Variants in FOCAD observed in about 807,000 individuals in gnomAD.
FOCAD encodes the protein focadhesin.
In FOCAD, 198 loss-of-function variants were observed where a neutral mutation model predicts 225.6. The ratio of observed to expected loss-of-function variants is 0.88; its 90% CI spans 0.78 to 0.99. FOCAD has a LOEUF of 0.99. Ranked by LOEUF, FOCAD falls within the 50% of genes least tolerant of loss-of-function variation. The pLI is 0.00. For missense variants in FOCAD, 2,713 were observed against 2,123.6 expected (o/e 1.28, Z -5.46); for synonymous variants, 897 against 755.0 (o/e 1.19, Z -3.08).
chr9:20,687,136 T>G (rs1371114146), intron 1 of FOCAD, among the ~76,000 whole-genome samples: 12 of 152,196 alleles, frequency 7.9e-5, no homozygotes, highest in Non-Finnish European at 5.9e-5. Flanking sequence ...TCCAAAACCC[T>G]TGACTTTAAA....
rs373152138 is a variant in FOCAD, at chr9:20,787,078, G to GCAAA, written c.1198-2256_1198-2253dup. The GCAAA allele has an allele frequency of 1.6e-3, 519 of 329,138 alleles. 5 individuals carry two copies. Among genetic ancestry groups the GCAAA allele is most frequent in the South Asian group, 7.6e-3 (303 of 40,098 alleles). The allele number at this position is 329,138 out of a possible 1,614,324, so 20.4% of individuals were successfully genotyped here. Reference sequence around the variant, plus strand: ...ATTTCTCCTGCTGCTCTAACCTTAGGCAAACAAACAAACAAACAAATAAAC... The same window carrying GCAAA: ...ATTTCTCCTGCTGCTCTAACCTTAGGCAAACAAACAAACAAACAAACAAATAAAC... On this transcript the variant is annotated intron_variant, in intron 10 of 43. Transcript: ENST00000338382.
intron 5 of FOCAD, among the ~76,000 whole-genome samples, chr9:20,757,421 C>T (rs1829156424): frequency 6.6e-6 from 1 of 151,874 alleles, no homozygotes; most frequent in Non-Finnish European, 1.5e-5. Context: ...CTTTGAGAAT[C>T]CTTCAAATTT....
intron 29 of FOCAD, 127 bp from the exon 30 acceptor site, chr9:20,946,574 C>A: frequency 1.0e-6 from 1 of 979,866 alleles, no homozygotes; most frequent in Non-Finnish European, 1.5e-6. Context: ...GTGCCCAATC[C>A]ATGGTAAATG....
chr9:20,860,428 G>A (rs567555475), intron 15 of FOCAD, among the ~76,000 whole-genome samples: 27 of 152,260 alleles, frequency 1.8e-4, no homozygotes, highest in Non-Finnish European at 3.1e-4. Flanking sequence ...TCTGCCCTAG[G>A]AGACTTTAAT....
chr9:20,660,332 G>C (rs1166806471), intron 2 of FOCAD, among the ~76,000 whole-genome samples: 1 of 152,176 alleles, frequency 6.6e-6, no homozygotes, highest in Non-Finnish European at 1.5e-5. Context: ...CCATTTTAAA[G>C]ATGAGGAAAT....
At chr9:20,913,058 T>C (rs1833570955) in intron 23 of FOCAD, 104 bp downstream of exon 23, 1 of 827,022 alleles carries the variant, frequency 1.2e-6, no homozygotes, top group Non-Finnish European at 1.9e-6. Context: ...TTAACCTCTA[T>C]ATGTGAGCCT....
chr9:20,878,252 C>T (rs1325965434), intron 19 of FOCAD, among the ~76,000 whole-genome samples: 2 of 152,094 alleles, frequency 1.3e-5, no homozygotes, highest in African/African-American at 2.4e-5. Flanking sequence ...TGTGAAGGGG[C>T]GGAAGTTGTA....
intron 11 of FOCAD, among the ~76,000 whole-genome samples, chr9:20,805,607 A>C (rs1822341569): frequency 6.6e-6 from 1 of 152,084 alleles, no homozygotes; most frequent in South Asian, 2.1e-4. Context: ...ATTTCTTCTA[A>C]AGCTTTCTTA....
At chr9:20,904,438 C>T (rs991048209) in intron 21 of FOCAD, among the ~76,000 whole-genome samples, 2 of 151,948 alleles carry the variant, frequency 1.3e-5, no homozygotes, top group Non-Finnish European at 2.9e-5. Flanking sequence ...TTTACCTTCT[C>T]TACAAGATCT....
At chr9:20,787,911 C>G (rs571511133) in intron 10 of FOCAD, among the ~76,000 whole-genome samples, 1 of 152,144 alleles carries the variant, frequency 6.6e-6, no homozygotes, top group African/African-American at 2.4e-5. Flanking sequence ...TGAGAGCTTC[C>G]TCATTTGTTT....
chr9:20,927,036 A>G (rs1475453689), intron 26 of FOCAD, among the ~76,000 whole-genome samples: 1 of 151,398 alleles, frequency 6.6e-6, no homozygotes, highest in Non-Finnish European at 1.5e-5. Context: ...ATATATATAT[A>G]TAAAAGAAAT....
In FOCAD at chr9:20,763,986, T is replaced by C. The variant is rs575793034; in HGVS notation, c.495-883T>C. ...TTCACCTCTCTCTCCTTCAGTTTCT[T>C]TATCCGTGTTATAAGGATAATATTA... On this transcript the variant is annotated intron_variant, in intron 6 of 43. Transcript: ENST00000338382. Among the ~76,000 whole-genome samples the C allele has an allele frequency of 3.9e-5, 6 of 152,326 alleles. No individual in the cohort carries two copies. In the South Asian group the frequency reaches 1.2e-3, roughly 32 times the overall value.
chr9:20,673,553 T>C (rs755180924), intron 2 of FOCAD, among the ~76,000 whole-genome samples: 57 of 152,164 alleles, frequency 3.7e-4, no homozygotes, highest in Non-Finnish European at 7.3e-4. Context: ...TATATCTACT[T>C]TGAAGAAATA....
At chr9:20,945,278 A>G (rs1454754111) in intron 29 of FOCAD, among the ~76,000 whole-genome samples, 3 of 152,174 alleles carry the variant, frequency 2.0e-5, no homozygotes, top group East Asian at 3.8e-4. Flanking sequence ...AGTTCATGTG[A>G]TCCAGTTCAT....
intron 18 of FOCAD, among the ~76,000 whole-genome samples, chr9:20,870,139 C>T (rs562165700): frequency 2.6e-5 from 4 of 152,162 alleles, no homozygotes; most frequent in South Asian, 2.1e-4. Flanking sequence ...AAAACATTCA[C>T]CTATTTAAAA....
intron 1 of FOCAD, among the ~76,000 whole-genome samples, chr9:20,713,517 C>CT (rs1443119617): frequency 2.0e-5 from 3 of 152,052 alleles, no homozygotes; most frequent in Non-Finnish European, 2.9e-5. Flanking sequence ...TTCTGCTTCA[C>CT]TTTTTTTTAA....
At chr9:20,668,907 C>A (rs138965931) in intron 2 of FOCAD, among the ~76,000 whole-genome samples, 3 of 152,170 alleles carry the variant, frequency 2.0e-5, no homozygotes, top group African/African-American at 7.2e-5. Context: ...CTGTGTGGCA[C>A]GCTCCCCGTT....
At chr9:20,988,739 C>T (rs950033175) in intron 41 of FOCAD, among the ~76,000 whole-genome samples, 2 of 152,048 alleles carry the variant, frequency 1.3e-5, no homozygotes, top group African/African-American at 4.8e-5. Context: ...TCTTGACAGA[C>T]AGAACACAAA....
chr9:20,938,566 C>T (rs191617957), intron 28 of FOCAD, among the ~76,000 whole-genome samples: 1,866 of 97,566 alleles, frequency 0.019, 48 homozygotes, highest in African/African-American at 0.063. Context: ...ACATCACACA[C>T]GGGGGCCTGT....
Sources: gnomAD v4.1 joint callset for allele counts (sites outside exome capture counted in the v4.1 genomes callset) on GRCh38, gnomAD v4.1.1 for gene constraint, MANE v1.5 for transcripts, NCBI Gene and HGNC (gene_info 2026-07-23, HGNC 2026-07-21) for gene names.